Variants in ROBO1 observed in about 807,000 individuals in gnomAD.
ROBO1 encodes the protein roundabout guidance receptor 1, also known as roundabout homolog 1.
Under a neutral mutation model 195.9 loss-of-function variants are expected in ROBO1, and 149 were observed. The observed-to-expected ratio is 0.76, with a 90% CI of 0.67 to 0.87. The LOEUF (loss-of-function observed/expected upper bound fraction) is 0.87. Among genes scored for constraint, ROBO1 ranks in the 40% least tolerant of loss-of-function variants. The pLI, the probability that ROBO1 is intolerant of heterozygous loss-of-function variation, is 0.00. For synonymous variants in ROBO1, 816 were observed against 733.2 expected, an observed-to-expected ratio of 1.11 and a Z score of -1.82; for missense variants, 1,933 against 2,068.3, an observed-to-expected ratio of 0.93 and a Z score of 1.27.
intron 2 of ROBO1, among the ~76,000 whole-genome samples, chr3:79,445,365 G>C (rs1247558865): frequency 6.6e-6 from 1 of 151,282 alleles, no homozygotes; most frequent in African/African-American, 2.4e-5. Flanking sequence ...TACAACAATT[G>C]ATCACACCAG....
intron 4 of ROBO1, among the ~76,000 whole-genome samples, chr3:78,936,759 C>A (rs567488913): frequency 6.6e-6 from 1 of 151,950 alleles, no homozygotes; most frequent in Middle Eastern, 3.2e-3. Context: ...GTCCTGTAAC[C>A]AATCGCCCAT....
intron 4 of ROBO1, among the ~76,000 whole-genome samples, chr3:78,803,128 T>G (rs1000710797): frequency 1.3e-5 from 2 of 152,140 alleles, no homozygotes; most frequent in African/African-American, 2.4e-5. Context: ...CTTACTTGGG[T>G]TGAAATTCCC....
chr3:79,366,969 G>A (rs2109323669), intron 2 of ROBO1, among the ~76,000 whole-genome samples: 1 of 152,240 alleles, frequency 6.6e-6, no homozygotes, highest in African/African-American at 2.4e-5. Flanking sequence ...AAACAGAAAT[G>A]GTGAGGCACA....
intron 3 of ROBO1, among the ~76,000 whole-genome samples, chr3:79,090,372 A>G (rs1480228785): frequency 6.6e-6 from 1 of 152,102 alleles, no homozygotes; most frequent in African/African-American, 2.4e-5. Flanking sequence ...AAAATACATC[A>G]TGCAAGATTC....
chr3:79,097,371 ATAGAAT>A (rs1425864662), intron 3 of ROBO1, among the ~76,000 whole-genome samples: 3 of 151,838 alleles, frequency 2.0e-5, no homozygotes, highest in South Asian at 2.1e-4. Context: ...GATTCAGAAA[ATAGAAT>A]TAGAATGCTG....
chr3:79,211,183 T>C (rs2081960796), intron 2 of ROBO1, among the ~76,000 whole-genome samples: 1 of 152,078 alleles, frequency 6.6e-6, no homozygotes, highest in South Asian at 2.1e-4. Flanking sequence ...TTATTATGTT[T>C]GCTTTTATTT....
chr3:78,867,241 T>C (rs2035237225), intron 4 of ROBO1, among the ~76,000 whole-genome samples: 1 of 152,180 alleles, frequency 6.6e-6, no homozygotes, highest in African/African-American at 2.4e-5. Flanking sequence ...GAAGCTACCT[T>C]GTCAGGAAAC....
chr3:79,374,613 C>T (rs1245543646), intron 2 of ROBO1, among the ~76,000 whole-genome samples: 1 of 151,990 alleles, frequency 6.6e-6, no homozygotes, highest in Non-Finnish European at 1.5e-5. Flanking sequence ...TTTTAAATAG[C>T]CATGCTTAAA....
chr3:79,651,335 G>T (rs1946000461), intron 1 of ROBO1, among the ~76,000 whole-genome samples: 1 of 151,982 alleles, frequency 6.6e-6, no homozygotes, highest in Non-Finnish European at 1.5e-5. Flanking sequence ...CAAAGATGGT[G>T]GGTGTATGAA....
At chr3:79,252,454 A>T (rs945835024) in intron 2 of ROBO1, among the ~76,000 whole-genome samples, 1 of 152,162 alleles carries the variant, frequency 6.6e-6, no homozygotes, top group Non-Finnish European at 1.5e-5. Context: ...AGCATCCCTA[A>T]GAAACTGGAA....
intron 2 of ROBO1, among the ~76,000 whole-genome samples, chr3:79,257,838 C>T (rs1370217546): frequency 6.6e-6 from 1 of 152,092 alleles, no homozygotes; most frequent in African/African-American, 2.4e-5. Context: ...ATAAGAGTCA[C>T]TCTCCTAAAC....
intron 2 of ROBO1, among the ~76,000 whole-genome samples, chr3:79,528,581 GAC>G (rs1304080867): frequency 1.3e-5 from 2 of 152,072 alleles, no homozygotes; most frequent in Non-Finnish European, 1.5e-5. Flanking sequence ...GAGAATTTGA[GAC>G]TCAAAGTTTA....
At chr3:79,630,718 T>C (rs1474161358) in intron 1 of ROBO1, among the ~76,000 whole-genome samples, 1 of 151,984 alleles carries the variant, frequency 6.6e-6, no homozygotes. Context: ...GACATATTCT[T>C]ATAACCAGAA....
At chr3:79,038,155 A>G (rs755877615) in intron 3 of ROBO1, among the ~76,000 whole-genome samples, 3 of 152,210 alleles carry the variant, frequency 2.0e-5, no homozygotes, top group Non-Finnish European at 2.9e-5. Flanking sequence ...AAAGCATGGG[A>G]CATGTAAAAC....
intron 2 of ROBO1, among the ~76,000 whole-genome samples, chr3:79,577,956 T>A (rs1378826586): frequency 6.0e-5 from 9 of 151,242 alleles, no homozygotes; most frequent in Admixed American, 5.3e-4. Context: ...AACAAAAAAC[T>A]CTTAATAAGT....
chr3:78,660,940 C>CT (rs1219957351), intron 16 of ROBO1, 90 bp downstream of exon 16: 4 of 859,918 alleles, frequency 4.7e-6, no homozygotes, highest in Non-Finnish European at 7.1e-6. Context: ...ATTAATGCCA[C>CT]TATTAACATT....
intron 4 of ROBO1, among the ~76,000 whole-genome samples, chr3:78,928,665 G>A (rs1031062341): frequency 2.0e-5 from 3 of 152,032 alleles, no homozygotes; most frequent in Non-Finnish European, 2.9e-5. Flanking sequence ...CCCAGGGGTG[G>A]TCCCAAAGGA....
intron 1 of ROBO1, among the ~76,000 whole-genome samples, chr3:79,747,577 T>C (rs533341465): frequency 6.6e-6 from 1 of 152,104 alleles, no homozygotes; most frequent in Admixed American, 6.6e-5. Context: ...GGAGTTCCAG[T>C]TTAAACTGCT....
chr3:79,299,157 T>C (rs1376117822), intron 2 of ROBO1, among the ~76,000 whole-genome samples: 1 of 152,182 alleles, frequency 6.6e-6, no homozygotes, highest in Admixed American at 6.5e-5. Flanking sequence ...CTTTTTATCA[T>C]GAAAAATGCC....
Sources: allele counts gnomAD v4.1 joint callset (sites outside exome capture counted in the v4.1 genomes callset), GRCh38; gene constraint gnomAD v4.1.1; transcripts MANE v1.5; gene names NCBI Gene and HGNC (gene_info 2026-07-23, HGNC 2026-07-21).